KIF3B: variants seen among roughly 807,000 people sequenced by gnomAD.
KIF3B encodes the protein kinesin family member 3B.
A neutral mutation model predicts 74.3 loss-of-function variants in KIF3B; 38 were observed. The ratio of observed to expected loss-of-function variants is 0.51; its 90% CI spans 0.39 to 0.67. The LOEUF (loss-of-function observed/expected upper bound fraction) is 0.67. Ranked by LOEUF, KIF3B falls within the 30% of genes least tolerant of loss-of-function variation. The pLI is 0.00. For synonymous variants in KIF3B, 326 were observed against 342.5 expected, an observed-to-expected ratio of 0.95 and a Z score of 0.53; for missense variants, 649 against 932.0, an observed-to-expected ratio of 0.70 and a Z score of 3.95.
At chr20:32,308,003 G>A (rs1302640895) in intron 1 of KIF3B, among the ~76,000 whole-genome samples, 1 of 151,658 alleles carries the variant, frequency 6.6e-6, no homozygotes, top group Admixed American at 6.6e-5. Flanking sequence ...GAGAGAATGA[G>A]GTGGAGGGAT....
At position 32,310,185 on chromosome 20, in the gene KIF3B, A is replaced by G; in HGVS notation, c.408A>G (p.Gln136=). 2 of 1,613,494 alleles carry G rather than the reference A, an allele frequency of 1.2e-6. No homozygotes were observed. The highest frequency in any genetic ancestry group is 1.6e-4 in the Middle Eastern group (1 of 6,062). ...CCCACATCTCTCGATCCCAGAATCA[A>G]CAATACCTGGTCAGGGCTTCTTACT... is the stretch of plus-strand genomic sequence containing the variant. ...IFTHISRSQN[Q]QYLVRASYLE... Residue 136 remains glutamine (Q), a synonymous_variant, in exon 2 of 9, where the codon CAA becomes CAG. Transcript: ENST00000375712. This position sits in a 1 kb window ranked among gnomAD's most constrained non-coding sequence, Gnocchi z 6.5.
At chr20:32,299,403 A>ATATATATATTTT (rs1555895046) in intron 1 of KIF3B, among the ~76,000 whole-genome samples, 8 of 9,026 alleles carry the variant, frequency 8.9e-4, no homozygotes, top group African/African-American at 1.2e-3. Context: ...ATATATATAT[A>ATATATATATTTT]TTTTTTTTTT....
intron 5 of KIF3B, among the ~76,000 whole-genome samples, chr20:32,318,146 C>A (rs1022733834): frequency 6.6e-6 from 1 of 151,754 alleles, no homozygotes; most frequent in African/African-American, 2.4e-5. Flanking sequence ...TACTAAAAAT[C>A]CAAAAATTAG....
chr20:32,332,503 T>C lies in KIF3B; in HGVS notation c.*1184T>C, dbSNP rs917236195. ...CTAAGATGCTGGTGAAGAATAGCTG[T>C]GTGATTGAATAGGCTCAAAGGAGAG... is the stretch of plus-strand genomic sequence containing the variant. On this transcript the variant is annotated 3_prime_UTR_variant, in exon 9 of 9. Transcript: ENST00000375712. The C allele has an allele frequency of 6.6e-6, 1 of 152,232 alleles. No homozygotes were observed. Among genetic ancestry groups the C allele is most frequent in the Admixed American group, 6.5e-5 (1 of 15,280 alleles). 9.4% of individuals were successfully genotyped at this position (152,232 alleles called of 1,614,324 possible).
At chr20:32,298,644 A>G (rs2047727445) in intron 1 of KIF3B, among the ~76,000 whole-genome samples, 1 of 151,946 alleles carries the variant, frequency 6.6e-6, no homozygotes, top group Non-Finnish European at 1.5e-5. Context: ...AAATTGTTAT[A>G]TATCCTTCTA....
intron 1 of KIF3B, among the ~76,000 whole-genome samples, chr20:32,299,295 G>A (rs1228848180): frequency 6.8e-6 from 1 of 146,480 alleles, no homozygotes; most frequent in Admixed American, 6.9e-5. Context: ...CAGGCTCTGG[G>A]CCAGATTTGT....
intron 1 of KIF3B, among the ~76,000 whole-genome samples, chr20:32,290,057 G>A (rs1053283556): frequency 1.3e-5 from 2 of 152,098 alleles, no homozygotes; most frequent in Non-Finnish European, 2.9e-5. Flanking sequence ...TACAGATGAG[G>A]AAATCAGCTC....
intron 1 of KIF3B, among the ~76,000 whole-genome samples, chr20:32,286,828 CT>C (rs1185526323): frequency 6.6e-6 from 1 of 152,178 alleles, no homozygotes; most frequent in African/African-American, 2.4e-5. Flanking sequence ...CAGAGAACAT[CT>C]TAATGATGAT....
chr20:32,283,239 C>T (rs928015420), intron 1 of KIF3B, among the ~76,000 whole-genome samples: 1 of 151,912 alleles, frequency 6.6e-6, no homozygotes, highest in South Asian at 2.1e-4. Flanking sequence ...GGTGTGGTGG[C>T]TTATGCCTGT....
intron 1 of KIF3B, among the ~76,000 whole-genome samples, chr20:32,302,041 A>G (rs1435933065): frequency 6.6e-6 from 1 of 152,226 alleles, no homozygotes; most frequent in Non-Finnish European, 1.5e-5. Flanking sequence ...GGTCTTCAGG[A>G]TGAAGGCGAT....
intron 1 of KIF3B, among the ~76,000 whole-genome samples, chr20:32,299,462 GCA>G (rs960697531): frequency 2.3e-5 from 3 of 129,192 alleles, no homozygotes; most frequent in African/African-American, 8.9e-5. Context: ...CCAGGCTGGG[GCA>G]CAGTGTCGCA....
At chr20:32,284,078 G>C (rs936625947) in intron 1 of KIF3B, among the ~76,000 whole-genome samples, 2 of 151,268 alleles carry the variant, frequency 1.3e-5, no homozygotes, top group African/African-American at 2.4e-5. Context: ...ACTACACCCA[G>C]CTAATTAAAA....
chr20:32,279,388 G>A, intron 1 of KIF3B, among the ~76,000 whole-genome samples: 1 of 152,012 alleles, frequency 6.6e-6, no homozygotes, highest in East Asian at 1.9e-4. Flanking sequence ...AAGTTAAAAG[G>A]CAAGGAAACA....
chr20:32,306,534 A>G (rs1289003003), intron 1 of KIF3B, among the ~76,000 whole-genome samples: 11 of 151,132 alleles, frequency 7.3e-5, no homozygotes, highest in Non-Finnish European at 1.2e-4. Flanking sequence ...AGCACAAGCT[A>G]GGAAATTCTA....
intron 2 of KIF3B, among the ~76,000 whole-genome samples, chr20:32,315,202 C>T (rs2047821211): frequency 6.6e-6 from 1 of 152,168 alleles, no homozygotes; most frequent in Admixed American, 6.5e-5. Context: ...ATTGTGTAGC[C>T]TCATGCTCAA....
chr20:32,318,714 A>G (rs2047841042), intron 5 of KIF3B, among the ~76,000 whole-genome samples: 1 of 152,100 alleles, frequency 6.6e-6, no homozygotes, highest in African/African-American at 2.4e-5. Flanking sequence ...ACACATATTT[A>G]TTTATTTTTC....
At chr20:32,322,780 TTATATATATTTA>T (rs1199705807) in intron 5 of KIF3B, among the ~76,000 whole-genome samples, 10 of 58,074 alleles carry the variant, frequency 1.7e-4, no homozygotes, top group African/African-American at 2.3e-4. Context: ...ATATATATAT[TTATATATATTTA>T]TATATATATT....
At chr20:32,327,954 A>T (rs1429097317) in intron 7 of KIF3B, among the ~76,000 whole-genome samples, 1 of 151,748 alleles carries the variant, frequency 6.6e-6, no homozygotes, top group East Asian at 1.9e-4. Context: ...TACAAAAATT[A>T]GCCAGGTGTG....
intron 5 of KIF3B, among the ~76,000 whole-genome samples, chr20:32,318,278 G>A (rs938167920): frequency 1.3e-5 from 2 of 150,610 alleles, no homozygotes; most frequent in African/African-American, 4.9e-5. Context: ...CTCAAGCCTG[G>A]GTGACACAGC....
Sources: gnomAD v4.1 joint callset for allele counts (sites outside exome capture counted in the v4.1 genomes callset) on GRCh38, gnomAD v4.1.1 for gene constraint, Gnocchi (gnomAD v3.1) non-coding constraint, MANE v1.5 for transcripts, NCBI Gene and HGNC (gene_info 2026-07-23, HGNC 2026-07-21) for gene names.